The following GARIN1B variants were observed in gnomAD, a reference collection of about 807,000 sequenced individuals.
GARIN1B encodes golgi associated RAB2 interactor 1B, also known as Golgi-associated RAB2 interactor protein 1B.
chr7:128,709,838 G>A, the GARIN1B span, among the ~76,000 whole-genome samples: 2,362 of 147,298 alleles, frequency 0.016, 31 homozygotes, highest in Non-Finnish European at 0.022. Flanking sequence ...TGCAACCTCT[G>A]CCTCCTGGGT....
the GARIN1B span, among the ~76,000 whole-genome samples, chr7:128,718,253 T>G: frequency 6.6e-6 from 1 of 151,860 alleles, no homozygotes; most frequent in Non-Finnish European, 1.5e-5. Flanking sequence ...ACCAACATGA[T>G]GAAACCTCGT....
the GARIN1B span, chr7:128,724,860 G>A: frequency 1.9e-5 from 25 of 1,288,820 alleles, no homozygotes; most frequent in South Asian, 2.4e-4. Context: ...GCTTGGAGGA[G>A]GCAAGCGCTT....
At chr7:128,730,111 C>G in the GARIN1B span, 2 of 1,591,428 alleles carry the variant, frequency 1.3e-6, no homozygotes, top group East Asian at 2.3e-5. Flanking sequence ...TGGGGCAGCC[C>G]TGGCATTCAG....
chr7:128,709,801 G>GAGT, the GARIN1B span, among the ~76,000 whole-genome samples: 1 of 144,882 alleles, frequency 6.9e-6, no homozygotes, highest in Non-Finnish European at 1.5e-5. Context: ...ACCCAGGCTG[G>GAGT]AGTGCAATGG....
the GARIN1B span, chr7:128,726,825 G>C: frequency 6.2e-7 from 1 of 1,613,834 alleles, no homozygotes; most frequent in South Asian, 1.1e-5. Context: ...GAAATGGCTC[G>C]AGTTTCAGGA....
At chr7:128,714,328 G>A in the GARIN1B span, among the ~76,000 whole-genome samples, 1 of 152,238 alleles carries the variant, frequency 6.6e-6, no homozygotes, top group East Asian at 1.9e-4. Flanking sequence ...TGTAATCCCA[G>A]CACTTTGGGA....
At chr7:128,714,513 G>A in the GARIN1B span, among the ~76,000 whole-genome samples, 1 of 151,898 alleles carries the variant, frequency 6.6e-6, no homozygotes, top group Admixed American at 6.6e-5. Flanking sequence ...GGGAGGCAGA[G>A]GTTGTGGTGA....
chr7:128,715,601 G>A, the GARIN1B span: 1 of 1,614,192 alleles, frequency 6.2e-7, no homozygotes, highest in Non-Finnish European at 8.5e-7. Context: ...GGGCCTAGGT[G>A]TGGAGGAGGG....
chr7:128,712,602 G>A, the GARIN1B span, among the ~76,000 whole-genome samples: 2 of 152,198 alleles, frequency 1.3e-5, no homozygotes, highest in African/African-American at 4.8e-5. Context: ...TGCAAGCTAC[G>A]AAATGATACC....
At chr7:128,713,478 T>C in the GARIN1B span, among the ~76,000 whole-genome samples, 1 of 152,172 alleles carries the variant, frequency 6.6e-6, no homozygotes, top group Non-Finnish European at 1.5e-5. Flanking sequence ...CAGGATCTCA[T>C]TCTCTCGTGC....
At chr7:128,731,228 G>C in the GARIN1B span, 6 of 1,001,398 alleles carry the variant, frequency 6.0e-6, no homozygotes, top group South Asian at 7.6e-5. Flanking sequence ...AACCAAGGAA[G>C]AATAGAGTCA....
chr7:128,714,352 G>A, the GARIN1B span, among the ~76,000 whole-genome samples: 2,079 of 152,108 alleles, frequency 0.014, 52 homozygotes, highest in African/African-American at 0.048. Context: ...CGAGGTGGGC[G>A]GATCATCTGA....
chr7:128,718,470 CA>C, the GARIN1B span, among the ~76,000 whole-genome samples: 1 of 148,726 alleles, frequency 6.7e-6, no homozygotes, highest in Non-Finnish European at 1.5e-5. Context: ...AAAAGAAAAA[CA>C]GAAAGAAATT....
At chr7:128,723,111 C>T in the GARIN1B span, 123 of 1,401,822 alleles carry the variant, frequency 8.8e-5, no homozygotes, top group South Asian at 2.0e-3. Flanking sequence ...TGAGTTCCAA[C>T]ACTTTAGAGT....
the GARIN1B span, among the ~76,000 whole-genome samples, chr7:128,712,213 G>C: frequency 6.6e-6 from 1 of 152,092 alleles, no homozygotes; most frequent in Admixed American, 6.6e-5. Flanking sequence ...ATTCATATGG[G>C]CCTTATGAGG....
chr7:128,709,746 C>CTG, the GARIN1B span, among the ~76,000 whole-genome samples: 918 of 25,742 alleles, frequency 0.036, 6 homozygotes, highest in Middle Eastern at 0.11. Flanking sequence ...CTCTCTCTCT[C>CTG]TCTCTTTTTT....
At chr7:128,713,429 G>A in the GARIN1B span, among the ~76,000 whole-genome samples, 9 of 152,316 alleles carry the variant, frequency 5.9e-5, no homozygotes, top group East Asian at 1.5e-3. Context: ...TGCAGGGGAA[G>A]TAGGAAGGGG....
chr7:128,726,234 T>C, the GARIN1B span, among the ~76,000 whole-genome samples: 1 of 152,232 alleles, frequency 6.6e-6, no homozygotes, highest in Non-Finnish European at 1.5e-5. Flanking sequence ...AGCTGTTGCC[T>C]GACAGTTAAT....
At chr7:128,712,534 G>A in the GARIN1B span, among the ~76,000 whole-genome samples, 89 of 152,148 alleles carry the variant, frequency 5.8e-4, no homozygotes, top group African/African-American at 2.0e-3. Context: ...ATAAACTCTT[G>A]GCTTCACAAA....
Sources: allele counts gnomAD v4.1 joint callset (sites outside exome capture counted in the v4.1 genomes callset), GRCh38; gene constraint gnomAD v4.1.1; transcripts MANE v1.5; gene names NCBI Gene and HGNC (gene_info 2026-07-23, HGNC 2026-07-21).